RBM47: variants seen among roughly 807,000 people sequenced by gnomAD.
The protein encoded by RBM47 is RNA binding motif protein 47.
Under a neutral mutation model 47.1 loss-of-function variants are expected in RBM47, and 21 were observed. That is an observed-to-expected ratio of 0.45 (90% CI 0.32 to 0.64). The LOEUF (loss-of-function observed/expected upper bound fraction) is 0.64. RBM47 is among the 30% of genes least tolerant of loss of function. The probability of loss-of-function intolerance (pLI) is 0.05; values close to 1 mark genes in which losing one functional copy is unlikely to be tolerated. For synonymous variants in RBM47, 375 were observed against 361.7 expected (o/e 1.04, Z -0.42); for missense variants, 708 against 870.9 (o/e 0.81, Z 2.35).
chr4:40,579,421 C>CCGAA (rs1732662678), intron 1 of RBM47, among the ~76,000 whole-genome samples: 1 of 8,210 alleles, frequency 1.2e-4, no homozygotes, highest in East Asian at 3.3e-3. Flanking sequence ...GACCCTGTCT[C>CCGAA]AGAAAAAAAA....
intron 1 of RBM47, among the ~76,000 whole-genome samples, chr4:40,622,026 A>G (rs1272945250): frequency 6.6e-6 from 1 of 152,258 alleles, no homozygotes; most frequent in East Asian, 1.9e-4. Context: ...AGTAAAACGC[A>G]TTCAGTCACG....
intron 2 of RBM47, among the ~76,000 whole-genome samples, chr4:40,475,173 T>C (rs1202878425): frequency 6.6e-6 from 1 of 152,240 alleles, no homozygotes; most frequent in Non-Finnish European, 1.5e-5. Flanking sequence ...AGTCTTCTTA[T>C]ACAAGAACTT....
At position 40,451,184 on chromosome 4, in the gene RBM47, C is replaced by CAAAAAAAAAA. The variant is rs958122281; in HGVS notation, c.-31-12270_-31-12261dup. Among the ~76,000 whole-genome samples the CAAAAAAAAAA allele has an allele frequency of 1.2e-3, 64 of 51,462 alleles. 1 individual carries two copies. The highest frequency in any genetic ancestry group is 3.6e-3 in the African/African-American group (59 of 16,382). 33.8% of individuals were successfully genotyped at this position (51,462 alleles called of 152,430 possible). A position where few individuals can be genotyped will look rare whatever the true frequency, so the allele number is the denominator to read the frequency against. On this transcript the variant is annotated intron_variant, in intron 3 of 6. Coordinates refer to ENST00000295971, the MANE Select transcript of RBM47 (RefSeq NM_001098634.2). ...CAGCATGGCAAGGCGCAGTAGCTAC[C>CAAAAAAAAAA]AAAAAAAAAAAAAAAAAAAAAAGTC...
intron 2 of RBM47, among the ~76,000 whole-genome samples, chr4:40,471,342 T>C (rs78428767): frequency 0.019 from 2,942 of 152,244 alleles, 87 homozygotes; most frequent in East Asian, 0.064. Context: ...GGCTTCTCCC[T>C]ATCCACTCAG....
intron 1 of RBM47, among the ~76,000 whole-genome samples, chr4:40,608,935 C>A (rs1736000753): frequency 6.6e-6 from 1 of 152,150 alleles, no homozygotes; most frequent in Admixed American, 6.5e-5. Context: ...CGAGATGACA[C>A]GAAACATGTG....
At chr4:40,562,040 A>T (rs1252557653) in intron 1 of RBM47, among the ~76,000 whole-genome samples, 1 of 152,194 alleles carries the variant, frequency 6.6e-6, no homozygotes, top group African/African-American at 2.4e-5. Context: ...TTAAAAAGCT[A>T]TTATTAAATC....
chr4:40,607,045 A>C (rs2154278495), intron 1 of RBM47, among the ~76,000 whole-genome samples: 1 of 152,362 alleles, frequency 6.6e-6, no homozygotes. Context: ...CGTAAATCAC[A>C]ACATCTCTTC....
intron 2 of RBM47, among the ~76,000 whole-genome samples, chr4:40,510,026 A>G: frequency 6.6e-6 from 1 of 152,016 alleles, no homozygotes; most frequent in South Asian, 2.1e-4. Context: ...TGTCTCTACT[A>G]AAAATACAAA....
intron 1 of RBM47, among the ~76,000 whole-genome samples, chr4:40,582,463 G>A (rs192402531): frequency 1.1e-3 from 160 of 152,314 alleles, no homozygotes; most frequent in African/African-American, 3.8e-3. Context: ...CAACCCAGGA[G>A]GTGGAGGGTG....
intron 6 of RBM47, among the ~76,000 whole-genome samples, chr4:40,432,203 TAC>T (rs61008905): frequency 0.12 from 17,160 of 147,530 alleles, 972 homozygotes; most frequent in African/African-American, 0.13. Context: ...TCTCTCTCTT[TAC>T]ACACACACAC....
At chr4:40,476,887 T>C (rs1166038202) in intron 2 of RBM47, among the ~76,000 whole-genome samples, 1 of 152,230 alleles carries the variant, frequency 6.6e-6, no homozygotes, top group African/African-American at 2.4e-5. Flanking sequence ...GTATCATTGT[T>C]AAGCTTATTC....
At chr4:40,527,783 GT>G (rs924868680) in intron 2 of RBM47, among the ~76,000 whole-genome samples, 3 of 151,078 alleles carry the variant, frequency 2.0e-5, no homozygotes, top group East Asian at 2.0e-4. Context: ...GGGGGTGTAC[GT>G]TTTTATTTAA....
chr4:40,450,444 A>G (rs910139145), intron 3 of RBM47, among the ~76,000 whole-genome samples: 6 of 151,560 alleles, frequency 4.0e-5, no homozygotes, highest in African/African-American at 1.5e-4. Context: ...AAAAAAAAAA[A>G]TATAAAACTT....
chr4:40,623,736 T>C (rs1737476209), intron 1 of RBM47, among the ~76,000 whole-genome samples: 1 of 152,156 alleles, frequency 6.6e-6, no homozygotes, highest in Non-Finnish European at 1.5e-5. Context: ...ACCTAATAAG[T>C]TTTTTCTAAT....
chr4:40,495,159 T>C (rs1722404215), intron 2 of RBM47, among the ~76,000 whole-genome samples: 1 of 152,214 alleles, frequency 6.6e-6, no homozygotes, highest in East Asian at 1.9e-4. Context: ...AGTTCTGAAT[T>C]AACAAAGGGC....
At chr4:40,457,733 C>A (rs912347857) in intron 3 of RBM47, among the ~76,000 whole-genome samples, 5 of 152,160 alleles carry the variant, frequency 3.3e-5, no homozygotes, top group Non-Finnish European at 7.4e-5. Context: ...CTGTGCCCAG[C>A]CAAGGGTATT....
chr4:40,532,669 AT>A (rs373863530), intron 2 of RBM47, among the ~76,000 whole-genome samples: 13 of 141,020 alleles, frequency 9.2e-5, no homozygotes, highest in Middle Eastern at 3.5e-3. Context: ...ATTTTTTTCC[AT>A]TTTTTTTTTG....
intron 2 of RBM47, among the ~76,000 whole-genome samples, chr4:40,540,647 AAAAAAAT>A (rs1413052969): frequency 2.3e-4 from 30 of 129,022 alleles, no homozygotes; most frequent in Non-Finnish European, 3.7e-4. Flanking sequence ...TCAAAAAAAA[AAAAAAAT>A]AATAATAATA....
intron 1 of RBM47, among the ~76,000 whole-genome samples, chr4:40,556,979 C>T (rs931497697): frequency 7.1e-6 from 1 of 141,122 alleles, no homozygotes; most frequent in Non-Finnish European, 1.5e-5. Flanking sequence ...TTGGGGGGCA[C>T]GTTGGGGGGA....
Sources: allele counts gnomAD v4.1 joint callset (sites outside exome capture counted in the v4.1 genomes callset), GRCh38; gene constraint gnomAD v4.1.1; transcripts MANE v1.5; gene names NCBI Gene and HGNC (gene_info 2026-07-23, HGNC 2026-07-21).